THBS4: variants seen among roughly 807,000 people sequenced by gnomAD.
The protein encoded by THBS4 is thrombospondin 4, also known as thrombospondin-4.
A neutral mutation model predicts 115.7 loss-of-function variants in THBS4; 90 were observed. The observed-to-expected ratio is 0.78, with a 90% CI of 0.66 to 0.93. The LOEUF is 0.93. Among genes scored for constraint, THBS4 ranks in the 40% least tolerant of loss-of-function variants. THBS4 has a pLI of 0.00. For synonymous variants in THBS4, 460 were observed against 479.3 expected (o/e 0.96, Z 0.53); for missense variants, 1,087 against 1,232.7 (o/e 0.88, Z 1.77).
At chr5:80,036,797 A>C (rs1832731910) in intron 1 of THBS4, among the ~76,000 whole-genome samples, 1 of 152,212 alleles carries the variant, frequency 6.6e-6, no homozygotes, top group Non-Finnish European at 1.5e-5. Context: ...TGTGGAAGTA[A>C]AACTGGAAGA....
chr5:80,048,274 C>T (rs1196913179), intron 2 of THBS4, among the ~76,000 whole-genome samples: 1 of 152,184 alleles, frequency 6.6e-6, no homozygotes, highest in Non-Finnish European at 1.5e-5. Context: ...TTAGGAAAAT[C>T]TTGGAGAGTG....
chr5:80,004,863 G>C (rs1831984354), intron 2 of THBS4, among the ~76,000 whole-genome samples: 1 of 151,916 alleles, frequency 6.6e-6, no homozygotes, highest in African/African-American at 2.4e-5. Context: ...TCAGCCTCCT[G>C]AATAGCTGGG....
At chr5:80,009,868 C>G (rs901459770) in intron 2 of THBS4, among the ~76,000 whole-genome samples, 1 of 152,132 alleles carries the variant, frequency 6.6e-6, no homozygotes, top group Non-Finnish European at 1.5e-5. Context: ...CTTGGTGGCT[C>G]AAGCCTGTAA....
At chr5:80,025,563 C>T (rs1250090282) in intron 2 of THBS4, among the ~76,000 whole-genome samples, 1 of 152,116 alleles carries the variant, frequency 6.6e-6, no homozygotes, top group African/African-American at 2.4e-5. Flanking sequence ...AAAATGAGCT[C>T]TTACTTTGCA....
chr5:80,059,327 C>CAA (rs34023954), intron 5 of THBS4, 113 bp from the exon 6 acceptor site: 4,179 of 772,248 alleles, frequency 5.4e-3, no homozygotes, highest in Middle Eastern at 6.5e-3. Flanking sequence ...GAGACTGTCT[C>CAA]AAAAAAAAAA....
At chr5:80,012,221 A>C (rs189545977) in intron 2 of THBS4, among the ~76,000 whole-genome samples, 2 of 152,294 alleles carry the variant, frequency 1.3e-5, no homozygotes, top group Admixed American at 1.3e-4. Context: ...TTTCTGAACA[A>C]AATAGCCAGA....
chr5:80,004,101 T>C (rs528786440), intron 2 of THBS4, among the ~76,000 whole-genome samples: 2 of 152,300 alleles, frequency 1.3e-5, no homozygotes, highest in South Asian at 4.1e-4. Context: ...GTCAGATTCC[T>C]CAGTTTCCAC....
intron 2 of THBS4, among the ~76,000 whole-genome samples, chr5:80,013,594 G>A (rs1008959925): frequency 2.6e-5 from 4 of 152,064 alleles, no homozygotes; most frequent in Non-Finnish European, 5.9e-5. Flanking sequence ...TGTGATAGTG[G>A]GTAGGTGACA....
chr5:80,065,322 C>A, intron 8 of THBS4, 87 bp from the exon 9 acceptor site: 1 of 1,253,132 alleles, frequency 8.0e-7, no homozygotes, highest in South Asian at 1.3e-5. Context: ...TCACTTCACA[C>A]AAAGATAGCA....
Position 80,082,512 on chromosome 5 carries a change from A to C in THBS4, c.2791A>C (p.Ile931Leu), listed in dbSNP as rs373412992. The change falls in exon 21 of 22, where the codon ATC becomes CTC. Residue 931 changes from isoleucine (I) to leucine (L), a missense_variant. Coordinates refer to ENST00000350881, the MANE Select transcript of THBS4 (RefSeq NM_003248.6). Reference sequence around the variant, plus strand: ...CGTTTTCTGCTTCTCTCAAGAAAACATCATCTGGTCCAACCTCAAGTATCG... The same window carrying C: ...CGTTTTCTGCTTCTCTCAAGAAAACCTCATCTGGTCCAACCTCAAGTATCG... ...LGVFCFSQEN[I>L]IWSNLKYRCN... is the part of the protein sequence containing the mutation. 1.9e-6 allele frequency: 3 copies of C among 1,614,054 alleles called. No homozygotes were observed. Among genetic ancestry groups the C allele is most frequent in the African/African-American group, 2.7e-5 (2 of 74,930 alleles).
intron 2 of THBS4, among the ~76,000 whole-genome samples, chr5:80,050,502 G>T (rs1010582202): frequency 7.2e-5 from 11 of 152,140 alleles, no homozygotes; most frequent in Admixed American, 3.9e-4. Flanking sequence ...TCCAGTGCAG[G>T]GTCTGCAAAA....
intron 5 of THBS4, 87 bp downstream of exon 5, chr5:80,058,877 C>T (rs1833525293): frequency 7.4e-7 from 1 of 1,352,344 alleles, no homozygotes; most frequent in South Asian, 1.4e-5. Flanking sequence ...CCTGCCCAGG[C>T]ACGGGGGCAG....
chr5:80,055,760 T>A, intron 2 of THBS4, 25 bp from the exon 3 acceptor site: 2 of 1,599,908 alleles, frequency 1.3e-6, no homozygotes, highest in Non-Finnish European at 1.7e-6. Flanking sequence ...TATCACACCA[T>A]TGGTTGACCT....
chr5:80,035,655 G>A lies in THBS4; in HGVS notation c.88+30G>A. The A allele has an allele frequency of 3.1e-6, 4 of 1,300,424 alleles. No individual in the cohort carries two copies. Among genetic ancestry groups the A allele is most frequent in the Non-Finnish European group, 3.9e-6 (4 of 1,019,746 alleles). 80.6% of individuals were successfully genotyped at this position (1,300,424 alleles called of 1,614,324 possible). The stretch of plus-strand genomic sequence containing the variant: ...GTGGGTTCGGGTCGGGCCTGGGAGC[G>A]CCGGGCACCGGGTGCCCCATCTGCT... On this transcript the variant is annotated intron_variant, in intron 1 of 21. Transcript: ENST00000350881. The surrounding 1 kb of genome is among the most constrained non-coding windows in gnomAD (Gnocchi z 4.6).
intron 1 of THBS4, among the ~76,000 whole-genome samples, chr5:79,992,891 T>C (rs1054057891): frequency 6.6e-6 from 1 of 152,222 alleles, no homozygotes; most frequent in African/African-American, 2.4e-5. Context: ...AACTTTCAGA[T>C]TGTAATGGAA....
At chr5:80,033,440 G>A (rs958812322), upstream of THBS4, 1 of 157,354 alleles carries the variant, frequency 6.4e-6, no homozygotes, top group Non-Finnish European at 1.4e-5. Flanking sequence ...ACTGCAGTAA[G>A]TGACCTCCAA....
At chr5:80,008,044 C>A (rs1403197758) in intron 2 of THBS4, among the ~76,000 whole-genome samples, 1 of 152,128 alleles carries the variant, frequency 6.6e-6, no homozygotes, top group Non-Finnish European at 1.5e-5. Context: ...AGCATAAAAG[C>A]ATTAAAAAGT....
chr5:80,005,946 T>C (rs1016383039), intron 2 of THBS4, among the ~76,000 whole-genome samples: 1 of 151,878 alleles, frequency 6.6e-6, no homozygotes, highest in Non-Finnish European at 1.5e-5. Flanking sequence ...TTTGTATCTT[T>C]AGTAGACATG....
chr5:80,081,457 A>AATT (rs1743502710), intron 20 of THBS4, among the ~76,000 whole-genome samples: 1 of 152,220 alleles, frequency 6.6e-6, no homozygotes, highest in South Asian at 2.1e-4. Flanking sequence ...ATAACAAAAT[A>AATT]ATTTAAATAT....
Sources: allele counts gnomAD v4.1 joint callset (sites outside exome capture counted in the v4.1 genomes callset), GRCh38; gene constraint gnomAD v4.1.1; non-coding constraint Gnocchi (gnomAD v3.1); transcripts MANE v1.5; gene names NCBI Gene and HGNC (gene_info 2026-07-23, HGNC 2026-07-21).